The following ADGRA1 variants were observed in gnomAD, a reference collection of about 807,000 sequenced individuals.
The protein encoded by ADGRA1 is G-protein coupled receptor 123.
A neutral mutation model predicts 21.3 loss-of-function variants in ADGRA1; 12 were observed. The observed-to-expected ratio is 0.56, with a 90% CI of 0.36 to 0.91. ADGRA1 has a LOEUF of 0.91. Ranked by LOEUF, ADGRA1 falls within the 40% of genes least tolerant of loss-of-function variation. The pLI is 0.01. For missense variants in ADGRA1, 790 were observed against 805.6 expected, an observed-to-expected ratio of 0.98 and a Z score of 0.23; for synonymous variants, 385 against 368.8, an observed-to-expected ratio of 1.04 and a Z score of -0.50.
rs1003483291 is a variant in ADGRA1, at chr10:133,127,256, T to C, written c.425T>C (p.Val142Ala). 3.1e-6 allele frequency: 5 copies of C among 1,588,140 alleles called. No individual in the cohort carries two copies. Among genetic ancestry groups the C allele is most frequent in the South Asian group, 1.1e-5 (1 of 87,468 alleles). ...AGGTTTTACCTCGTCAGCGGAGGGG[T>C]CCCCTTTATCATCTGTGGGGTCACG... is the stretch of plus-strand genomic sequence containing the variant. ...LLRFYLVSGG[V>A]PFIICGVTAA... Residue 142 changes from valine (V) to alanine (A), a missense_variant, in exon 6 of 7, where the codon GTC becomes GCC. Around this residue, in one of 3 missense-constraint regions of ADGRA1, gnomAD observed 382 missense variants for 415.6 expected, o/e 0.92. Coordinates refer to ENST00000392607, the MANE Select transcript of ADGRA1 (RefSeq NM_001083909.3).
chr10:133,120,880 C>A (rs575785097), intron 5 of ADGRA1, among the ~76,000 whole-genome samples: 1 of 152,362 alleles, frequency 6.6e-6, no homozygotes, highest in East Asian at 1.9e-4. Context: ...ATGCCTTCCT[C>A]ACTAAGCGTA....
rs756127205 is a variant in ADGRA1, at chr10:133,129,101, T to A, written c.1273T>A (p.Tyr425Asn). ...GCLQGRTKPP[Y>N]FSRHPAEEPE... The stretch of plus-strand genomic sequence containing the variant: ...CCTTCAGGGCAGAACTAAGCCGCCC[T>A]ACTTTAGCCGGCACCCAGCAGAGGA... Residue 425 changes from tyrosine to asparagine, a missense_variant, in exon 7 of 7, where the codon TAC becomes AAC. Transcript: ENST00000392607. The A allele has an allele frequency of 1.3e-6, 2 of 1,550,666 alleles. No homozygotes were observed. Among genetic ancestry groups the A allele is most frequent in the Non-Finnish European group, 1.7e-6 (2 of 1,145,588 alleles).
rs528236671 is a variant in ADGRA1, at chr10:133,105,187, C to T, written c.401+2345C>T. Among the ~76,000 whole-genome samples, 94 of 152,322 alleles carry T rather than the reference C, an allele frequency of 6.2e-4. 2 individuals are homozygous for T. Among genetic ancestry groups the T allele is most frequent in the African/African-American group, 2.2e-3 (91 of 41,576 alleles). On this transcript the variant is annotated intron_variant, in intron 5 of 6. Transcript: ENST00000392607. ...ACAGACGCCTCTCCAGGCAGCACGTCGCCCACACCCTCTCTGGCCGTTCCC... is the reference window on the plus strand; with the variant it reads ...ACAGACGCCTCTCCAGGCAGCACGTTGCCCACACCCTCTCTGGCCGTTCCC...
intron 5 of ADGRA1, among the ~76,000 whole-genome samples, chr10:133,117,451 G>C (rs2093140361): frequency 1.3e-5 from 2 of 152,320 alleles, no homozygotes; most frequent in African/African-American, 4.8e-5. Context: ...CACCAGACCT[G>C]CCCCCTGGGA....
chr10:133,098,051 G>A (rs913936636), intron 3 of ADGRA1, among the ~76,000 whole-genome samples: 2 of 152,216 alleles, frequency 1.3e-5, no homozygotes, highest in Non-Finnish European at 2.9e-5. Context: ...TGATTATGGG[G>A]AGAGGATGAG....
rs1169581182 is a variant in ADGRA1 at position 133,112,001 on chromosome 10, AC to A, written c.401+9161del. 4.1e-4 allele frequency among the ~76,000 whole-genome samples: 48 copies of A among 116,634 alleles called. 9 individuals carry two copies. Among genetic ancestry groups the A allele is most frequent in the African/African-American group, 1.6e-3 (46 of 28,218 alleles). The allele number at this position is 116,634 out of a possible 152,430, so 76.5% of individuals were successfully genotyped here. A position where few individuals can be genotyped will look rare whatever the true frequency, so the allele number is the denominator to read the frequency against. On this transcript the variant is annotated intron_variant, in intron 5 of 6. Transcript: ENST00000392607. ...GGCACCTCCCTCCTAATGCCTCCAG[AC>A]CACCTGCCCACCACAGACACCTCCC...
intron 5 of ADGRA1, among the ~76,000 whole-genome samples, chr10:133,126,665 C>T (rs747359665): frequency 6.6e-6 from 1 of 152,222 alleles, no homozygotes. Context: ...AAGGTCAGCC[C>T]CTGCCCTGGG....
intron 5 of ADGRA1, among the ~76,000 whole-genome samples, chr10:133,104,095 G>A (rs1471386534): frequency 6.6e-6 from 1 of 152,200 alleles, no homozygotes; most frequent in East Asian, 1.9e-4. Context: ...CGTCCAAAAC[G>A]GTCTGAAGAA....
rs563207953 is a variant in ADGRA1, at chr10:133,093,953, A to G, written c.4-3021A>G. On this transcript the variant is annotated intron_variant, in intron 2 of 6. Transcript: ENST00000392607. ...GTAGACAGGCACTGTTGATAACTGT[A>G]ATTTGGAGACAAGAAAAAGAAAAGA... Among the ~76,000 whole-genome samples, 24 of 152,404 alleles carry G rather than the reference A, an allele frequency of 1.6e-4. No individual in the cohort carries two copies. In the South Asian group the frequency reaches 5.0e-3, roughly 32 times the overall value.
intron 6 of ADGRA1, 83 bp downstream of exon 6, chr10:133,127,414 G>C (rs1452945071): frequency 7.4e-6 from 8 of 1,077,700 alleles, no homozygotes; most frequent in Non-Finnish European, 9.5e-6. Flanking sequence ...CTGTGGTGGG[G>C]AAGCCCAGGA....
chr10:133,090,571 G>A (rs565696167), intron 2 of ADGRA1, among the ~76,000 whole-genome samples: 8 of 152,314 alleles, frequency 5.3e-5, no homozygotes, highest in African/African-American at 1.7e-4. Flanking sequence ...GTGTGACAGC[G>A]TAATTCACAG....
At position 133,129,463 on chromosome 10, in the gene ADGRA1, G is replaced by A. The variant is rs1852467174; in HGVS notation, c.1635G>A (p.Gly545=). The A allele has an allele frequency of 6.2e-7, 1 of 1,600,404 alleles. No homozygotes were observed. The highest frequency in any genetic ancestry group is 8.5e-7 in the Non-Finnish European group (1 of 1,179,824). Residue 545 remains glycine (G), a synonymous_variant, in exon 7 of 7, where the codon GGG becomes GGA. Coordinates refer to ENST00000392607, the MANE Select transcript of ADGRA1 (RefSeq NM_001083909.3). ...LLEGLPFGTD[G]TGNIRTGPWK... is the part of the protein sequence containing the mutation. The stretch of plus-strand genomic sequence containing the variant: ...AAGGCCTGCCGTTTGGCACCGACGG[G>A]ACCGGCAACATCCGAACGGGACCCT...
rs1322568821 is a variant in ADGRA1, at chr10:133,128,817, C to A, written c.989C>A (p.Ala330Glu). 1.2e-6 allele frequency: 2 copies of A among 1,604,932 alleles called. No individual in the cohort carries two copies. The highest frequency in any genetic ancestry group is 1.3e-5 in the African/African-American group (1 of 74,612). The change falls in exon 7 of 7, where the codon GCA becomes GAA. Residue 330 changes from alanine (A) to glutamate (E), a missense_variant. By Grantham distance (107) the Ala-to-Glu change is moderately radical. Around this residue, in one of 3 missense-constraint regions of ADGRA1, gnomAD observed 391 missense variants for 351.5 expected, o/e 1.11. Coordinates refer to ENST00000392607, the MANE Select transcript of ADGRA1 (RefSeq NM_001083909.3). ...CCPPRKDAHPALDANGAALGR... is the reference protein window; with the variant it reads ...CCPPRKDAHPELDANGAALGR... The stretch of plus-strand genomic sequence containing the variant: ...CCGCCCCGCAAGGACGCCCACCCCG[C>A]ACTTGACGCCAACGGGGCCGCGCTG...
chr10:133,104,498 C>T (rs1011614425), intron 5 of ADGRA1, among the ~76,000 whole-genome samples: 5 of 152,152 alleles, frequency 3.3e-5, no homozygotes, highest in Admixed American at 1.3e-4. Context: ...CCAGCGGGCC[C>T]GGGGCTCGGC....
At chr10:133,111,156 A>T (rs59142670) in intron 5 of ADGRA1, among the ~76,000 whole-genome samples, 2,918 of 32,822 alleles carry the variant, frequency 0.089, 617 homozygotes, top group African/African-American at 0.16. Context: ...TCCTAATCCC[A>T]CCAGACCACC....
At chr10:133,102,182 A>G (rs373279773) in intron 4 of ADGRA1, 27 of 454,336 alleles carry the variant, frequency 5.9e-5, no homozygotes, top group South Asian at 2.9e-4. Flanking sequence ...GGCTCATCCC[A>G]CCCACAGTAA....
intron 5 of ADGRA1, among the ~76,000 whole-genome samples, chr10:133,103,969 C>A (rs1454514470): frequency 6.6e-6 from 1 of 152,218 alleles, no homozygotes; most frequent in Non-Finnish European, 1.5e-5. Context: ...AGAGGCTGCT[C>A]TGTGGCCAGC....
intron 5 of ADGRA1, among the ~76,000 whole-genome samples, chr10:133,106,210 G>C (rs1245032437): frequency 6.6e-6 from 1 of 152,214 alleles, no homozygotes; most frequent in Non-Finnish European, 1.5e-5. Context: ...TGGAGCCTGA[G>C]GGGGGCGCTT....
rs1564849637 is a variant in ADGRA1, at chr10:133,111,931, GT to G, written c.401+9090del. 4.2e-3 allele frequency among the ~76,000 whole-genome samples: 44 copies of G among 10,522 alleles called. 11 individuals carry two copies. Among genetic ancestry groups the G allele is most frequent in the Middle Eastern group, 0.05 (1 of 20 alleles). 6.9% of individuals were successfully genotyped at this position (10,522 alleles called of 152,430 possible). ...AATGCCTCCAGACCACCTGCCCGCCGTGAGCACCTCCCTCCTAATCCCTCCA... is the reference window on the plus strand; with the variant it reads ...AATGCCTCCAGACCACCTGCCCGCCGGAGCACCTCCCTCCTAATCCCTCCA... On this transcript the variant is annotated intron_variant, in intron 5 of 6. Transcript: ENST00000392607.
Sources: gnomAD v4.1 joint callset for allele counts (sites outside exome capture counted in the v4.1 genomes callset) on GRCh38, gnomAD v4.1.1 for gene constraint, gnomAD v4.1.1 regional missense constraint, MANE v1.5 for transcripts, NCBI Gene and HGNC (gene_info 2026-07-23, HGNC 2026-07-21) for gene names.